Variants in DDX46 observed in about 807,000 individuals in gnomAD.
DDX46 encodes DEAD-box helicase 46.
A neutral mutation model predicts 134.9 loss-of-function variants in DDX46; 30 were observed. That is an observed-to-expected ratio of 0.22 (90% CI 0.17 to 0.30). DDX46 has a LOEUF of 0.30. Ranked by LOEUF, DDX46 falls within the 10% of genes least tolerant of loss-of-function variation. The probability of loss-of-function intolerance (pLI) is 1.00; values close to 1 mark genes in which losing one functional copy is unlikely to be tolerated. For synonymous variants in DDX46, 415 were observed against 404.1 expected, an observed-to-expected ratio of 1.03 and a Z score of -0.32; for missense variants, 622 against 1,248.7, an observed-to-expected ratio of 0.50 and a Z score of 7.56.
At chr5:134,817,753 G>A (rs1264042928) in intron 20 of DDX46, 39 bp downstream of exon 20, 2 of 1,548,482 alleles carry the variant, frequency 1.3e-6, no homozygotes, top group Admixed American at 1.8e-5. Context: ...TTGTGAAGTA[G>A]CAACTCTTCT....
At chr5:134,769,234 G>C (rs889442419) in intron 3 of DDX46, among the ~76,000 whole-genome samples, 1 of 150,502 alleles carries the variant, frequency 6.6e-6, no homozygotes, top group African/African-American at 2.4e-5. Flanking sequence ...TTTGTATGTA[G>C]TATGTTCAGT....
chr5:134,777,571 T>C lies in DDX46; in HGVS notation c.614-3T>C. 2.5e-6 allele frequency: 4 copies of C among 1,612,152 alleles called. No homozygotes were observed. The highest frequency in any genetic ancestry group is 3.4e-6 in the Non-Finnish European group (4 of 1,179,698). On this transcript the variant is annotated splice_region_variant and splice_polypyrimidine_tract_variant and intron_variant, in intron 5 of 22. Transcript: ENST00000452510. ...TTAAAGAATGTGTATTCTGGTATTT[T>C]AGATGACGAAGATGATCCTGCAGAA...
intron 16 of DDX46, among the ~76,000 whole-genome samples, chr5:134,809,079 C>T (rs994947654): frequency 3.3e-5 from 5 of 152,098 alleles, no homozygotes; most frequent in African/African-American, 1.2e-4. Flanking sequence ...AATTCATGCA[C>T]ATAGGATTTA....
intron 16 of DDX46, among the ~76,000 whole-genome samples, chr5:134,810,897 T>A (rs1387541041): frequency 7.9e-5 from 12 of 151,422 alleles, no homozygotes; most frequent in Admixed American, 3.9e-4. Context: ...TCCCAGTTAC[T>A]CGGGAGGCTG....
In DDX46 at chr5:134,811,249, A is replaced by T; in HGVS notation, c.2177A>T (p.Asp726Val). The change falls in exon 17 of 23, where the codon GAT becomes GTT. Residue 726 changes from aspartate to valine, a missense_variant. This residue lies in a region of DDX46 where 209 missense variants were observed against 508.4 expected (regional missense o/e 0.41). Transcript: ENST00000452510. The part of the protein sequence containing the change: ...KGYAYTFITE[D>V]QARYAGDIIK... Reference sequence around the variant, plus strand: ...TATGCTTATACTTTTATCACAGAGGATCAAGCTCGCTATGCTGGTGACATA... The same window carrying T: ...TATGCTTATACTTTTATCACAGAGGTTCAAGCTCGCTATGCTGGTGACATA... 1 of 1,614,026 alleles carries T rather than the reference A, an allele frequency of 6.2e-7. No homozygotes were observed.
chr5:134,762,580 G>A (rs1045895118), intron 1 of DDX46, among the ~76,000 whole-genome samples: 5 of 150,922 alleles, frequency 3.3e-5, no homozygotes, highest in Non-Finnish European at 1.5e-5. Context: ...CTAAAGATAC[G>A]AAACTGGCTG....
intron 13 of DDX46, 94 bp from the exon 14 acceptor site, chr5:134,794,753 AGTT>A (rs1754600437): frequency 2.7e-6 from 4 of 1,465,620 alleles, no homozygotes; most frequent in Admixed American, 2.1e-5. Context: ...AAACTGAGAC[AGTT>A]GTTCTCAAAA....
At chr5:134,788,861 T>A (rs917606581) in intron 12 of DDX46, among the ~76,000 whole-genome samples, 99 of 148,842 alleles carry the variant, frequency 6.7e-4, no homozygotes, top group African/African-American at 2.1e-3. Flanking sequence ...AAAAAAAAAA[T>A]AATAATTGTA....
At chr5:134,819,050 T>C in intron 21 of DDX46, 46 bp downstream of exon 21, 1 of 1,593,886 alleles carries the variant, frequency 6.3e-7, no homozygotes, top group Non-Finnish European at 8.5e-7. Context: ...AGATCAAGGT[T>C]GATGTAGATG....
At chr5:134,796,591 G>A (rs187910726) in intron 15 of DDX46, among the ~76,000 whole-genome samples, 38 of 152,264 alleles carry the variant, frequency 2.5e-4, no homozygotes, top group African/African-American at 6.7e-4. Context: ...GGTAGCTCAC[G>A]CCTGTAATCC....
At chr5:134,814,678 G>A (rs866663698) in intron 18 of DDX46, among the ~76,000 whole-genome samples, 6 of 152,166 alleles carry the variant, frequency 3.9e-5, no homozygotes, top group African/African-American at 9.7e-5. Flanking sequence ...GTAAAGTGGC[G>A]TGATCTTGGC....
chr5:134,795,929 G>T, intron 14 of DDX46, 59 bp from the exon 15 acceptor site: 4 of 1,476,494 alleles, frequency 2.7e-6, no homozygotes, highest in South Asian at 1.2e-5. Context: ...GAATATTTCT[G>T]TCCAGGGGAT....
intron 10 of DDX46, 104 bp from the exon 11 acceptor site, chr5:134,785,361 T>A: frequency 7.4e-7 from 1 of 1,350,842 alleles, no homozygotes; most frequent in South Asian, 2.2e-5. Flanking sequence ...AAACAAAAAT[T>A]AGGTGAAACA....
intron 18 of DDX46, 126 bp downstream of exon 18, chr5:134,811,971 A>T: frequency 8.3e-7 from 1 of 1,207,350 alleles, no homozygotes; most frequent in Non-Finnish European, 1.1e-6. Flanking sequence ...GTTCCAGAAC[A>T]GTTTTGGAAA....
chr5:134,802,561 C>G, intron 15 of DDX46, among the ~76,000 whole-genome samples: 1 of 147,972 alleles, frequency 6.8e-6, no homozygotes, highest in African/African-American at 2.5e-5. Context: ...TTTTTGAATT[C>G]AGTTTTTGTA....
Position 134,763,937 on chromosome 5 carries a change from C to CTCTGGAAGTCGG in DDX46, c.55_66dup (p.Gly19_Ser22dup). On this transcript the variant is annotated inframe_insertion, in exon 2 of 23. Coordinates refer to ENST00000452510, the MANE Select transcript of DDX46 (RefSeq NM_001300860.2). ...GAAAACGATCGGCATCCCGGGGTCG[C>CTCTGGAAGTCGG]TCTGGAAGTCGGTCTAGAAGTCGCT... The CTCTGGAAGTCGG allele has an allele frequency of 6.2e-7, 1 of 1,614,136 alleles. No homozygotes were observed.
chr5:134,793,873 A>G (rs1754577854), intron 13 of DDX46, among the ~76,000 whole-genome samples: 1 of 151,996 alleles, frequency 6.6e-6, no homozygotes, highest in Non-Finnish European at 1.5e-5. Flanking sequence ...AGGTCATTTC[A>G]TGTGTTTTCT....
In DDX46 at chr5:134,777,483, CAG is replaced by C. The variant is rs550027365; in HGVS notation, c.614-89_614-88del. 2,535 of 1,423,408 alleles carry C rather than the reference CAG, an allele frequency of 1.8e-3. 1 individual carries two copies. Among genetic ancestry groups the C allele is most frequent in the Non-Finnish European group, 2.2e-3 (2,353 of 1,048,892 alleles). 88.2% of individuals were successfully genotyped at this position (1,423,408 alleles called of 1,614,324 possible). A position where few individuals can be genotyped will look rare whatever the true frequency, so the allele number is the denominator to read the frequency against. On this transcript the variant is annotated intron_variant, in intron 5 of 22. Transcript: ENST00000452510. The stretch of plus-strand genomic sequence containing the variant: ...TGGAAAAGGGGTGTTTGGGCAGTGG[CAG>C]AAAAGGTTAGAGAGGTGGGGTGTGG...
chr5:134,771,405 T>C (rs1753764318), intron 4 of DDX46, among the ~76,000 whole-genome samples: 1 of 137,758 alleles, frequency 7.3e-6, no homozygotes, highest in African/African-American at 2.6e-5. Flanking sequence ...CAAACTTGTT[T>C]CTATGGGCCA....
Sources: allele counts gnomAD v4.1 joint callset (sites outside exome capture counted in the v4.1 genomes callset), GRCh38; gene constraint gnomAD v4.1.1; regional missense constraint gnomAD v4.1.1; transcripts MANE v1.5; gene names NCBI Gene and HGNC (gene_info 2026-07-23, HGNC 2026-07-21).